PSKH2: variants seen among roughly 807,000 people sequenced by gnomAD.
The protein encoded by PSKH2 is protein serine kinase H2.
PSKH2 carries 16 observed loss-of-function variants against 22.5 expected under a neutral mutation model. The observed-to-expected ratio is 0.71, with a 90% CI of 0.48 to 1.08. PSKH2 has a LOEUF of 1.08. PSKH2 is among the 50% of genes least tolerant of loss of function. PSKH2 has a pLI of 0.00. For missense variants in PSKH2, 516 were observed against 492.8 expected (o/e 1.05, Z -0.44); for synonymous variants, 188 against 184.8 (o/e 1.02, Z -0.14).
chr8:86,068,033 T>C (rs946218365), intron 1 of PSKH2, among the ~76,000 whole-genome samples: 1 of 152,204 alleles, frequency 6.6e-6, no homozygotes, highest in South Asian at 2.1e-4. Context: ...TAGACCAGAC[T>C]AGCATCATCT....
At chr8:86,049,074 C>T (rs906563696) in intron 2 of PSKH2, among the ~76,000 whole-genome samples, 3 of 152,136 alleles carry the variant, frequency 2.0e-5, no homozygotes, top group South Asian at 2.1e-4. Context: ...GTTATCAATA[C>T]GAGTTCCCAT....
At chr8:86,050,517 C>A (rs555841893) in intron 2 of PSKH2, among the ~76,000 whole-genome samples, 1 of 152,328 alleles carries the variant, frequency 6.6e-6, no homozygotes, top group South Asian at 2.1e-4. Flanking sequence ...TAAGAGCACA[C>A]GCCCCACAGA....
rs1817823960 is a variant in PSKH2 at position 86,064,330 on chromosome 8, T to G, written c.487A>C (p.Ile163Leu). ...GSFTERDAVRILQMVADGIRY... is the reference protein window; with the variant it reads ...GSFTERDAVRLLQMVADGIRY... ...ATCCCATCAGCAACCATCTGGAGGA[T>G]CCTGACGGCATCCCGCTCTGTAAAG... The change falls in exon 2 of 3, where the codon ATC becomes CTC. Residue 163 changes from isoleucine (I) to leucine (L), a missense_variant. Ile to Leu is a conservative substitution (Grantham distance 5). Coordinates refer to ENST00000276616, the MANE Select transcript of PSKH2 (RefSeq NM_033126.3). The G allele has an allele frequency of 1.2e-6, 2 of 1,614,008 alleles. No homozygotes were observed. The highest frequency in any genetic ancestry group is 2.7e-5 in the African/African-American group (2 of 74,892).
At chr8:86,050,705 A>C (rs1817618145) in intron 2 of PSKH2, among the ~76,000 whole-genome samples, 2 of 152,192 alleles carry the variant, frequency 1.3e-5, no homozygotes, top group Non-Finnish European at 1.5e-5. Context: ...AACATTGAGA[A>C]AATTGCCCAT....
rs1253400998 is a variant in PSKH2, at chr8:86,048,184, T to G, written c.*278A>C. Among the ~76,000 whole-genome samples the G allele has an allele frequency of 6.6e-6, 1 of 152,236 alleles. No homozygotes were observed. The highest frequency in any genetic ancestry group is 1.5e-5 in the Non-Finnish European group (1 of 68,040). Reference sequence around the variant, plus strand: ...CTTATTTCTATAGTATTGTATTTTATTTAATCCATTACATACTTTAAAGAT... The same window carrying G: ...CTTATTTCTATAGTATTGTATTTTAGTTAATCCATTACATACTTTAAAGAT... On this transcript the variant is annotated 3_prime_UTR_variant, in exon 3 of 3. Transcript: ENST00000276616.
In PSKH2 at chr8:86,064,264, T is replaced by C; in HGVS notation, c.553A>G (p.Lys185Glu). ...TGATAGTATAAGAGGTTTTCAGGCT[T>C]TAGATTCCTATGAGTTATCTGCAGC... ...HALQITHRNLKPENLLYYHPG... is the reference protein window; with the variant it reads ...HALQITHRNLEPENLLYYHPG... Residue 185 changes from lysine to glutamate, a missense_variant, in exon 2 of 3, where the codon AAG becomes GAG. Coordinates refer to ENST00000276616, the MANE Select transcript of PSKH2 (RefSeq NM_033126.3). The C allele has an allele frequency of 6.2e-7, 1 of 1,614,182 alleles. No individual in the cohort carries two copies. The highest frequency in any genetic ancestry group is 8.5e-7 in the Non-Finnish European group (1 of 1,180,026).
chr8:86,050,827 C>T (rs532281090), intron 2 of PSKH2, among the ~76,000 whole-genome samples: 3 of 152,230 alleles, frequency 2.0e-5, no homozygotes, highest in East Asian at 3.9e-4. Flanking sequence ...CATTGTGTAA[C>T]GATAAAGCAG....
intron 2 of PSKH2, among the ~76,000 whole-genome samples, chr8:86,061,978 A>G (rs1817783200): frequency 6.6e-6 from 1 of 152,232 alleles, no homozygotes; most frequent in Non-Finnish European, 1.5e-5. Context: ...TTGTAAACAA[A>G]ACAAAAACAG....
In PSKH2 at chr8:86,049,706, GAAAGAAAGAAAGAAAGAAAGAA is replaced by G. The variant is rs1233215580; in HGVS notation, c.853-961_853-940del. 1.3e-4 allele frequency among the ~76,000 whole-genome samples: 6 copies of G among 45,610 alleles called. No individual in the cohort carries two copies. In the East Asian group the frequency reaches 4.2e-3, roughly 32 times the overall value. 29.9% of individuals were successfully genotyped at this position (45,610 alleles called of 152,430 possible). The stretch of plus-strand genomic sequence containing the variant: ...AGAAAGAAAGAAAGAAAGAAAGAAA[GAAAGAAAGAAAGAAAGAAAGAA>G]AGAAAGAAAGAAAGAAAGAAACGAA... On this transcript the variant is annotated intron_variant, in intron 2 of 2. Coordinates refer to ENST00000276616, the MANE Select transcript of PSKH2 (RefSeq NM_033126.3).
chr8:86,067,306 T>G (rs906070641), intron 1 of PSKH2, among the ~76,000 whole-genome samples: 4 of 151,754 alleles, frequency 2.6e-5, no homozygotes, highest in African/African-American at 9.7e-5. Flanking sequence ...AGTCCTCAAC[T>G]GCCATGAATG....
At chr8:86,065,547 C>A (rs2130170436) in intron 1 of PSKH2, among the ~76,000 whole-genome samples, 1 of 152,256 alleles carries the variant, frequency 6.6e-6, no homozygotes, top group East Asian at 1.9e-4. Flanking sequence ...ACCTACGTAA[C>A]AAACCTGCAC....
rs891982698 is a variant in PSKH2 at position 86,047,609 on chromosome 8, A to G, written c.*853T>C. On this transcript the variant is annotated 3_prime_UTR_variant, in exon 3 of 3. Coordinates refer to ENST00000276616, the MANE Select transcript of PSKH2 (RefSeq NM_033126.3). ...TTATATCATTTTACAAAAATTTACC[A>G]TATAAGAGATCAGGCCATATGTGAC... Among the ~76,000 whole-genome samples the G allele has an allele frequency of 6.6e-6, 1 of 152,156 alleles. No individual in the cohort carries two copies. Among genetic ancestry groups the G allele is most frequent in the African/African-American group, 2.4e-5 (1 of 41,450 alleles).
At chr8:86,054,079 C>T (rs1817668823) in intron 2 of PSKH2, among the ~76,000 whole-genome samples, 1 of 152,072 alleles carries the variant, frequency 6.6e-6, no homozygotes, top group Non-Finnish European at 1.5e-5. Context: ...AAACACTACA[C>T]ACACAACATA....
intron 2 of PSKH2, among the ~76,000 whole-genome samples, chr8:86,060,243 TC>T (rs1242173978): frequency 6.6e-6 from 1 of 152,158 alleles, no homozygotes; most frequent in Non-Finnish European, 1.5e-5. Flanking sequence ...GTCATTTGGC[TC>T]TTCTTTAAGT....
rs780222404 is a variant in PSKH2 at position 86,067,338 on chromosome 8, G to A, written c.185+2100C>T. Among the ~76,000 whole-genome samples the A allele has an allele frequency of 4.4e-4, 66 of 150,816 alleles. No individual in the cohort carries two copies. The Middle Eastern group carries it at 0.014, about 32-fold the overall frequency. ...AATGGTGACCAACTTTATGATTTGC[G>A]TGGCTATACCTTGTAAAGTGCCTAG... On this transcript the variant is annotated intron_variant, in intron 1 of 2. Transcript: ENST00000276616.
intron 2 of PSKH2, 125 bp from the exon 3 acceptor site, chr8:86,048,892 G>C: frequency 1.2e-6 from 1 of 835,862 alleles, no homozygotes; most frequent in Non-Finnish European, 1.8e-6. Context: ...TTTCAAATAA[G>C]CAGTTTTAAT....
chr8:86,055,797 A>C (rs980988818), intron 2 of PSKH2, among the ~76,000 whole-genome samples: 1 of 152,204 alleles, frequency 6.6e-6, no homozygotes, highest in African/African-American at 2.4e-5. Flanking sequence ...GACATAACAA[A>C]ATTGGGATCA....
intron 2 of PSKH2, among the ~76,000 whole-genome samples, chr8:86,051,731 T>A (rs532775188): frequency 6.6e-6 from 1 of 152,314 alleles, no homozygotes; most frequent in South Asian, 2.1e-4. Flanking sequence ...AGCAACTGAA[T>A]CTTTCTGAAA....
chr8:86,066,850 C>G (rs957519064), intron 1 of PSKH2, among the ~76,000 whole-genome samples: 1 of 152,160 alleles, frequency 6.6e-6, no homozygotes, highest in Non-Finnish European at 1.5e-5. Flanking sequence ...TAAATAGATT[C>G]TTTCCCCTTT....
Sources: gnomAD v4.1 joint callset for allele counts (sites outside exome capture counted in the v4.1 genomes callset) on GRCh38, gnomAD v4.1.1 for gene constraint, MANE v1.5 for transcripts, NCBI Gene and HGNC (gene_info 2026-07-23, HGNC 2026-07-21) for gene names.